Variants in IL1RAPL1 observed in about 807,000 individuals in gnomAD.
IL1RAPL1 encodes the protein interleukin 1 receptor accessory protein like 1.
A neutral mutation model predicts 48.4 loss-of-function variants in IL1RAPL1; 3 were observed. That is an observed-to-expected ratio of 0.06 (90% CI 0.03 to 0.16). The LOEUF (loss-of-function observed/expected upper bound fraction) is 0.16, where lower values mean the gene tolerates loss of function less well. Among genes scored for constraint, IL1RAPL1 ranks in the 10% least tolerant of loss-of-function variants. IL1RAPL1 has a pLI of 1.00. For synonymous variants in IL1RAPL1, 185 were observed against 187.7 expected, an observed-to-expected ratio of 0.99 and a Z score of 0.12; for missense variants, 349 against 530.6, an observed-to-expected ratio of 0.66 and a Z score of 3.36.
intron 6 of IL1RAPL1, among the ~76,000 whole-genome samples, chrX:29,886,002 CAAG>C (rs1057236480): frequency 1.2e-4 from 13 of 111,675 alleles, no homozygotes; most frequent in African/African-American, 3.9e-4. Flanking sequence ...TTGCATGATA[CAAG>C]AAGGATGGTG....
At chrX:29,242,550 T>G (rs1450565852) in intron 2 of IL1RAPL1, among the ~76,000 whole-genome samples, 3 of 112,616 alleles carry the variant, frequency 2.7e-5, no homozygotes, top group Non-Finnish European at 5.6e-5. Flanking sequence ...GGCTCATTCA[T>G]TCAACATGTA....
At chrX:28,978,443 G>A (rs778112199) in intron 2 of IL1RAPL1, among the ~76,000 whole-genome samples, 3 of 112,048 alleles carry the variant, frequency 2.7e-5, no homozygotes, top group Non-Finnish European at 3.8e-5. Context: ...CATTCAGACT[G>A]GAGGTTCTCA....
chrX:29,426,808 A>C (rs1432318379), intron 5 of IL1RAPL1, among the ~76,000 whole-genome samples: 1 of 111,336 alleles, frequency 9.0e-6, no homozygotes. Context: ...TTGTATGCTA[A>C]ACAAAAACTA....
intron 2 of IL1RAPL1, among the ~76,000 whole-genome samples, chrX:28,968,615 A>G (rs1488734779): frequency 8.9e-6 from 1 of 112,912 alleles, no homozygotes; most frequent in African/African-American, 3.2e-5. Context: ...ATTCCCATAA[A>G]ATAACATGAG....
intron 1 of IL1RAPL1, among the ~76,000 whole-genome samples, chrX:28,682,584 A>G (rs1262365066): frequency 9.0e-6 from 1 of 111,615 alleles, no homozygotes; most frequent in Non-Finnish European, 1.9e-5. Context: ...CCTGTTCACA[A>G]TTCTTTAGGT....
chrX:28,908,977 T>C (rs990403237), intron 2 of IL1RAPL1, among the ~76,000 whole-genome samples: 3 of 111,910 alleles, frequency 2.7e-5, no homozygotes, highest in African/African-American at 9.7e-5. Flanking sequence ...ATCTGAGGTC[T>C]ACTTTATCTG....
At chrX:29,494,653 T>C (rs1255901377) in intron 5 of IL1RAPL1, among the ~76,000 whole-genome samples, 1 of 112,266 alleles carries the variant, frequency 8.9e-6, no homozygotes, top group Admixed American at 9.5e-5. Flanking sequence ...CTAGACTAAC[T>C]AATGCCTTCA....
At chrX:28,819,298 A>G (rs1466128523) in intron 2 of IL1RAPL1, among the ~76,000 whole-genome samples, 1 of 111,532 alleles carries the variant, frequency 9.0e-6, no homozygotes, top group Non-Finnish European at 1.9e-5. Context: ...AATGTTTGTT[A>G]TATATGTGCA....
chrX:29,554,596 A>G (rs1203356343), intron 5 of IL1RAPL1, among the ~76,000 whole-genome samples: 1 of 111,806 alleles, frequency 8.9e-6, no homozygotes, highest in African/African-American at 3.2e-5. Flanking sequence ...AATTTATTGA[A>G]GTATCTTCTC....
chrX:29,211,133 G>C (rs1436066675), intron 2 of IL1RAPL1, among the ~76,000 whole-genome samples: 1 of 110,956 alleles, frequency 9.0e-6, no homozygotes, highest in African/African-American at 3.3e-5. Flanking sequence ...GAGAGAGAGA[G>C]AGAGAGAGAA....
chrX:28,667,569 T>A (rs1569148477), intron 1 of IL1RAPL1, among the ~76,000 whole-genome samples: 1 of 112,118 alleles, frequency 8.9e-6, no homozygotes, highest in Non-Finnish European at 1.9e-5. Context: ...TTCTTCCACA[T>A]GTCTGGTTCT....
chrX:29,719,743 CAAAAAAAAA>C (rs372308075), intron 6 of IL1RAPL1, among the ~76,000 whole-genome samples: 1 of 21,895 alleles, frequency 4.6e-5, no homozygotes, highest in African/African-American at 1.3e-4. Flanking sequence ...GAAAGATGAG[CAAAAAAAAA>C]AAAAAAAAAA....
intron 1 of IL1RAPL1, among the ~76,000 whole-genome samples, chrX:28,688,528 A>G (rs1601859902): frequency 8.9e-6 from 1 of 111,883 alleles, no homozygotes; most frequent in East Asian, 2.8e-4. Context: ...GTATTTATTT[A>G]ACTAGACATT....
At chrX:28,814,733 C>T (rs753537707) in intron 2 of IL1RAPL1, among the ~76,000 whole-genome samples, 1 of 107,212 alleles carries the variant, frequency 9.3e-6, no homozygotes, top group East Asian at 3.0e-4. Flanking sequence ...GTTTTCTATG[C>T]ATTTGTTCTT....
chrX:29,413,723 C>T (rs1293969941), intron 5 of IL1RAPL1, among the ~76,000 whole-genome samples: 6 of 110,516 alleles, frequency 5.4e-5, no homozygotes. Flanking sequence ...ATCATCAATA[C>T]AATTATTGAC....
At chrX:29,787,582 A>G (rs1413832641) in intron 6 of IL1RAPL1, among the ~76,000 whole-genome samples, 1 of 111,802 alleles carries the variant, frequency 8.9e-6, no homozygotes, top group Non-Finnish European at 1.9e-5. Flanking sequence ...AAAAAAGGAA[A>G]GAGAAATTAT....
chrX:28,943,584 T>C (rs1416257445), intron 2 of IL1RAPL1, among the ~76,000 whole-genome samples: 3 of 109,354 alleles, frequency 2.7e-5, no homozygotes, highest in Non-Finnish European at 5.8e-5. Flanking sequence ...AGCCCCTAAA[T>C]AGGTTGTCAT....
chrX:29,628,825 C>T (rs1251314127), intron 5 of IL1RAPL1, among the ~76,000 whole-genome samples: 2 of 112,053 alleles, frequency 1.8e-5, no homozygotes, highest in Non-Finnish European at 3.8e-5. Flanking sequence ...GAAAGTTATG[C>T]TCATTTTGCT....
At chrX:29,909,358 G>C (rs1001745774) in intron 6 of IL1RAPL1, among the ~76,000 whole-genome samples, 4 of 111,202 alleles carry the variant, frequency 3.6e-5, no homozygotes, top group Non-Finnish European at 7.5e-5. Flanking sequence ...TTGAGCTCGG[G>C]AGGTTGAAGC....
Sources: gnomAD v4.1 joint callset for allele counts (sites outside exome capture counted in the v4.1 genomes callset) on GRCh38, gnomAD v4.1.1 for gene constraint, MANE v1.5 for transcripts, NCBI Gene and HGNC (gene_info 2026-07-23, HGNC 2026-07-21) for gene names.